Variants in SPOCK1 observed in about 807,000 individuals in gnomAD.
The protein encoded by SPOCK1 is SPARC (osteonectin), cwcv and kazal like domains proteoglycan 1.
A neutral mutation model predicts 55.3 loss-of-function variants in SPOCK1; 23 were observed. The ratio of observed to expected loss-of-function variants is 0.42; its 90% CI spans 0.30 to 0.59. SPOCK1 has a LOEUF of 0.59. Among genes scored for constraint, SPOCK1 ranks in the 20% least tolerant of loss-of-function variants. The pLI is 0.22. For missense variants in SPOCK1, 499 were observed against 552.5 expected, an observed-to-expected ratio of 0.90 and a Z score of 0.97; for synonymous variants, 226 against 221.0, an observed-to-expected ratio of 1.02 and a Z score of -0.20.
Position 137,306,849 on chromosome 5 carries a change from T to G in SPOCK1, c.187-39794A>C, listed in dbSNP as rs113328129. 2.5e-3 allele frequency among the ~76,000 whole-genome samples: 382 copies of G among 152,338 alleles called. 7 individuals carry two copies. The highest frequency in any genetic ancestry group is 0.014 in the Middle Eastern group (4 of 294). On this transcript the variant is annotated intron_variant, in intron 2 of 10. Coordinates refer to ENST00000394945, the MANE Select transcript of SPOCK1 (RefSeq NM_004598.4). ...TATATATAATTCTGTGGGGATTTTTTATAAAGAAGGCCACTATGTCATACA... is the reference window on the plus strand; with the variant it reads ...TATATATAATTCTGTGGGGATTTTTGATAAAGAAGGCCACTATGTCATACA...
At chr5:137,184,721 G>A (rs1035819699) in intron 3 of SPOCK1, among the ~76,000 whole-genome samples, 1 of 152,098 alleles carries the variant, frequency 6.6e-6, no homozygotes, top group African/African-American at 2.4e-5. Flanking sequence ...TCTTCATGAG[G>A]ATCAGAAACA....
intron 3 of SPOCK1, among the ~76,000 whole-genome samples, chr5:137,249,669 T>C (rs1458178570): frequency 6.6e-6 from 1 of 152,246 alleles, no homozygotes; most frequent in Non-Finnish European, 1.5e-5. Context: ...TTTTATGCTA[T>C]GTGCATGTTT....
intron 2 of SPOCK1, among the ~76,000 whole-genome samples, chr5:137,402,473 G>C (rs370124772): frequency 6.6e-6 from 1 of 152,150 alleles, no homozygotes; most frequent in South Asian, 2.1e-4. Context: ...TGTGTCACTT[G>C]GCTGAGGCAA....
intron 2 of SPOCK1, among the ~76,000 whole-genome samples, chr5:137,428,325 C>T (rs1466079633): frequency 6.6e-6 from 1 of 152,112 alleles, no homozygotes; most frequent in Non-Finnish European, 1.5e-5. Context: ...GACACAGTCA[C>T]ATCACTAGGA....
intron 6 of SPOCK1, among the ~76,000 whole-genome samples, chr5:136,995,649 A>G (rs1407518901): frequency 6.6e-6 from 1 of 152,250 alleles, no homozygotes; most frequent in East Asian, 1.9e-4. Flanking sequence ...TGCCAAGTCA[A>G]CATGCAGAGG....
intron 3 of SPOCK1, among the ~76,000 whole-genome samples, chr5:137,225,403 C>A (rs1755927087): frequency 6.6e-6 from 1 of 152,134 alleles, no homozygotes; most frequent in African/African-American, 2.4e-5. Flanking sequence ...AGTACCCACA[C>A]AAAATTGTTA....
chr5:137,366,708 C>T lies in SPOCK1; in HGVS notation c.187-99653G>A, dbSNP rs867907634. On this transcript the variant is annotated intron_variant, in intron 2 of 10. Transcript: ENST00000394945. Reference sequence around the variant, plus strand: ...CTTCGAATGGGAAGGGCTTTGAGTCCTGCCAAGATATAAGTGATTAAGTAG... The same window carrying T: ...CTTCGAATGGGAAGGGCTTTGAGTCTTGCCAAGATATAAGTGATTAAGTAG... Among the ~76,000 whole-genome samples the T allele has an allele frequency of 8.5e-5, 13 of 152,314 alleles. No homozygotes were observed. The Middle Eastern group carries it at 0.014, about 159-fold the overall frequency.
In SPOCK1 at chr5:137,015,453, G is replaced by A. The variant is rs116746213; in HGVS notation, c.590-22853C>T. Among the ~76,000 whole-genome samples the A allele has an allele frequency of 2.3e-3, 345 of 152,188 alleles. 2 individuals are homozygous for A. Among genetic ancestry groups the A allele is most frequent in the African/African-American group, 8.0e-3 (331 of 41,530 alleles). ...CGACAGAGCAAGACTCTGTCTCAGA[G>A]AGATAGATAGCAAAGCAGAGATTCA... On this transcript the variant is annotated intron_variant, in intron 6 of 10. Transcript: ENST00000394945.
At chr5:137,176,925 TA>T (rs1754864681) in intron 3 of SPOCK1, among the ~76,000 whole-genome samples, 21 of 152,168 alleles carry the variant, frequency 1.4e-4, no homozygotes, top group Admixed American at 1.4e-3. Flanking sequence ...GGGCAGTGAC[TA>T]GGTCTGAGTA....
chr5:137,254,480 TGAGA>T (rs1227006646), intron 3 of SPOCK1, among the ~76,000 whole-genome samples: 3 of 152,244 alleles, frequency 2.0e-5, no homozygotes, highest in African/African-American at 7.2e-5. Flanking sequence ...TGTTAGTTGC[TGAGA>T]ATTTTATAAT....
chr5:137,082,568 T>C (rs1477373963), intron 5 of SPOCK1, among the ~76,000 whole-genome samples: 1 of 152,022 alleles, frequency 6.6e-6, no homozygotes, highest in Non-Finnish European at 1.5e-5. Context: ...AATGGTGACA[T>C]TGGATGAGGA....
intron 2 of SPOCK1, among the ~76,000 whole-genome samples, chr5:137,320,664 GCAAATCTCT>G (rs1757965749): frequency 6.6e-6 from 1 of 152,152 alleles, no homozygotes; most frequent in African/African-American, 2.4e-5. Flanking sequence ...AAAGAGACCA[GCAAATCTCT>G]CTAAATGGGA....
rs1182545978 is a variant in SPOCK1 at position 137,125,537 on chromosome 5, C to A, written c.348-12976G>T. ...GGGATTAGTGCCCTTATAAAAGAGA[C>A]CACAGAGAGCTGGCTAGCTGTTCCC... On this transcript the variant is annotated intron_variant, in intron 4 of 10. Coordinates refer to ENST00000394945, the MANE Select transcript of SPOCK1 (RefSeq NM_004598.4). Among the ~76,000 whole-genome samples, 10 of 152,158 alleles carry A rather than the reference C, an allele frequency of 6.6e-5. No individual in the cohort carries two copies. The East Asian group carries it at 1.9e-3, about 29-fold the overall frequency.
chr5:136,987,125 C>A (rs1750858487), intron 8 of SPOCK1, among the ~76,000 whole-genome samples: 1 of 151,992 alleles, frequency 6.6e-6, no homozygotes. Flanking sequence ...CTGTGTAATA[C>A]ACAATCTAGA....
At chr5:137,035,395 CA>C (rs1382354400) in intron 6 of SPOCK1, among the ~76,000 whole-genome samples, 1 of 152,146 alleles carries the variant, frequency 6.6e-6, no homozygotes, top group African/African-American at 2.4e-5. Flanking sequence ...ATTTGCAAGG[CA>C]AAGGCACAGA....
chr5:137,011,269 C>G (rs537161042), intron 6 of SPOCK1, among the ~76,000 whole-genome samples: 55 of 152,120 alleles, frequency 3.6e-4, no homozygotes, highest in Admixed American at 2.4e-3. Flanking sequence ...TACAGAATTA[C>G]TGGTTTGTGA....
At chr5:137,451,885 G>C (rs750778266) in intron 2 of SPOCK1, among the ~76,000 whole-genome samples, 1 of 152,128 alleles carries the variant, frequency 6.6e-6, no homozygotes, top group Non-Finnish European at 1.5e-5. Context: ...TACAAATTAG[G>C]GTAATTTTAG....
chr5:137,251,096 T>A (rs937745785), intron 3 of SPOCK1, among the ~76,000 whole-genome samples: 2 of 152,172 alleles, frequency 1.3e-5, no homozygotes, highest in African/African-American at 4.8e-5. Context: ...AAGTCTCTAA[T>A]GCAGCAGGGT....
At chr5:137,236,780 T>C (rs1175908452) in intron 3 of SPOCK1, among the ~76,000 whole-genome samples, 1 of 152,200 alleles carries the variant, frequency 6.6e-6, no homozygotes, top group Admixed American at 6.5e-5. Flanking sequence ...CACATATAGA[T>C]GCACAGCAGG....
Sources: gnomAD v4.1 joint callset for allele counts (sites outside exome capture counted in the v4.1 genomes callset) on GRCh38, gnomAD v4.1.1 for gene constraint, MANE v1.5 for transcripts, NCBI Gene and HGNC (gene_info 2026-07-23, HGNC 2026-07-21) for gene names.